WDPCP: variants seen among roughly 807,000 people sequenced by gnomAD.
The protein encoded by WDPCP is WD repeat-containing and planar cell polarity effector protein fritz homolog.
WDPCP carries 71 observed loss-of-function variants against 93.1 expected under a neutral mutation model. That is an observed-to-expected ratio of 0.76 (90% CI 0.63 to 0.93). WDPCP has a LOEUF of 0.93. WDPCP is among the 40% of genes least tolerant of loss of function. The pLI, the probability that WDPCP is intolerant of heterozygous loss-of-function variation, is 0.00. For missense variants in WDPCP, 844 were observed against 887.4 expected, an observed-to-expected ratio of 0.95 and a Z score of 0.62; for synonymous variants, 315 against 315.0, an observed-to-expected ratio of 1.00 and a Z score of 0.00.
intron 2 of WDPCP, among the ~76,000 whole-genome samples, chr2:63,666,994 T>C (rs1458327719): frequency 7.8e-6 from 1 of 128,212 alleles, no homozygotes; most frequent in African/African-American, 3.1e-5. Flanking sequence ...TTTGATGAGA[T>C]ACTTTGCTAA....
At chr2:63,434,426 T>A (rs1414864553) in intron 8 of WDPCP, among the ~76,000 whole-genome samples, 1 of 152,180 alleles carries the variant, frequency 6.6e-6, no homozygotes. Context: ...ATATTCTGCA[T>A]AAAAGGGATA....
chr2:63,789,945 C>A (rs1575773671), intron 2 of WDPCP, among the ~76,000 whole-genome samples: 1 of 152,156 alleles, frequency 6.6e-6, no homozygotes, highest in Admixed American at 6.5e-5. Flanking sequence ...CTTGAATTAG[C>A]ATGTGAATTG....
At chr2:63,620,185 C>G (rs988205613) in intron 3 of WDPCP, among the ~76,000 whole-genome samples, 2 of 152,130 alleles carry the variant, frequency 1.3e-5, no homozygotes, top group Non-Finnish European at 2.9e-5. Flanking sequence ...CGTTCACCCC[C>G]CTGGAAAGGG....
At chr2:63,175,969 C>G (rs1673772801) in intron 14 of WDPCP, among the ~76,000 whole-genome samples, 1 of 152,126 alleles carries the variant, frequency 6.6e-6, no homozygotes, top group African/African-American at 2.4e-5. Context: ...GCCTATCATA[C>G]AGTGGATCTA....
Position 63,513,391 on chromosome 2 carries a change from G to A in WDPCP, c.76-20451C>T, listed in dbSNP as rs375282072. ...TGTTGGGGAGAGGATGAGTGCTGAA[G>A]TAGGGGTTGTTGAGGCTCAGACCAC... is the stretch of plus-strand genomic sequence containing the variant. On this transcript the variant is annotated intron_variant, in intron 1 of 17. Transcript: ENST00000272321. 3.5e-4 allele frequency among the ~76,000 whole-genome samples: 53 copies of A among 152,240 alleles called. 1 individual carries two copies. The highest frequency in any genetic ancestry group is 6.8e-3 in the Middle Eastern group (2 of 294).
intron 13 of WDPCP, among the ~76,000 whole-genome samples, chr2:63,266,523 A>T (rs1372341131): frequency 1.3e-5 from 2 of 152,228 alleles, no homozygotes; most frequent in African/African-American, 4.8e-5. Flanking sequence ...ATGGAAAGAT[A>T]TCGGCTGGGC....
intron 9 of WDPCP, among the ~76,000 whole-genome samples, chr2:63,420,743 G>C (rs1168508013): frequency 6.6e-6 from 1 of 152,056 alleles, no homozygotes; most frequent in Admixed American, 6.6e-5. Flanking sequence ...ATTGTATTTT[G>C]TCATACTGTA....
chr2:63,197,538 T>C (rs1232944604), intron 14 of WDPCP, among the ~76,000 whole-genome samples: 1 of 152,206 alleles, frequency 6.6e-6, no homozygotes, highest in East Asian at 1.9e-4. Flanking sequence ...ATATTCATAC[T>C]CTTTGGCCTA....
At chr2:63,372,686 A>G (rs1250591692) in intron 12 of WDPCP, among the ~76,000 whole-genome samples, 2 of 152,152 alleles carry the variant, frequency 1.3e-5, no homozygotes, top group African/African-American at 4.8e-5. Context: ...TTCTTTAACT[A>G]TTGACAGTGG....
At chr2:63,316,168 AT>A (rs1686623731) in intron 12 of WDPCP, among the ~76,000 whole-genome samples, 1 of 152,192 alleles carries the variant, frequency 6.6e-6, no homozygotes, top group Non-Finnish European at 1.5e-5. Flanking sequence ...GATTAAAAAT[AT>A]AAAGAGAGGC....
intron 3 of WDPCP, chr2:63,605,906 C>A: frequency 6.5e-7 from 1 of 1,545,564 alleles, no homozygotes. Context: ...GTAAACTAAT[C>A]ATCATGAGTA....
chr2:63,274,592 C>T (rs978966905), intron 13 of WDPCP, among the ~76,000 whole-genome samples: 4 of 151,878 alleles, frequency 2.6e-5, no homozygotes, highest in African/African-American at 9.7e-5. Context: ...AGGAGAAAAG[C>T]TGAAATAAGA....
chr2:63,289,738 TTATC>T (rs1428332523), intron 13 of WDPCP, among the ~76,000 whole-genome samples: 3 of 151,954 alleles, frequency 2.0e-5, no homozygotes, highest in East Asian at 1.9e-4. Flanking sequence ...ATTATTATAT[TTATC>T]TATTTCTTTT....
At chr2:63,757,822 A>T (rs1366175564) in intron 2 of WDPCP, among the ~76,000 whole-genome samples, 1 of 152,226 alleles carries the variant, frequency 6.6e-6, no homozygotes, top group Non-Finnish European at 1.5e-5. Flanking sequence ...TCACAGAAAC[A>T]CATGTATAGA....
intron 2 of WDPCP, among the ~76,000 whole-genome samples, chr2:63,766,257 TAA>T (rs1419980703): frequency 6.6e-6 from 1 of 152,118 alleles, no homozygotes; most frequent in Non-Finnish European, 1.5e-5. Context: ...TACATACATA[TAA>T]GTTTTATTTA....
intron 2 of WDPCP, among the ~76,000 whole-genome samples, chr2:63,676,098 G>T (rs974404716): frequency 6.6e-6 from 1 of 152,038 alleles, no homozygotes; most frequent in East Asian, 1.9e-4. Context: ...GAGTAATCCT[G>T]GCACTGATAA....
At chr2:63,506,550 G>C (rs1201514437) in intron 1 of WDPCP, among the ~76,000 whole-genome samples, 1 of 152,050 alleles carries the variant, frequency 6.6e-6, no homozygotes, top group Non-Finnish European at 1.5e-5. Flanking sequence ...ATAGATCTGA[G>C]AAAGCAGAAA....
chr2:63,498,651 C>G (rs1297176532), intron 1 of WDPCP, among the ~76,000 whole-genome samples: 2 of 152,170 alleles, frequency 1.3e-5, no homozygotes, highest in African/African-American at 4.8e-5. Flanking sequence ...CTGAATAAAT[C>G]TGCAAAATAC....
intron 2 of WDPCP, among the ~76,000 whole-genome samples, chr2:63,799,410 T>C (rs1459504950): frequency 1.3e-5 from 2 of 152,226 alleles, no homozygotes; most frequent in Admixed American, 1.3e-4. Context: ...TTCAGTGATT[T>C]GCCCAAGATC....
Sources: gnomAD v4.1 joint callset for allele counts (sites outside exome capture counted in the v4.1 genomes callset) on GRCh38, gnomAD v4.1.1 for gene constraint, MANE v1.5 for transcripts, NCBI Gene and HGNC (gene_info 2026-07-23, HGNC 2026-07-21) for gene names.